PLEKHS1: variants seen among roughly 807,000 people sequenced by gnomAD.
PLEKHS1 encodes the protein pleckstrin homology domain-containing family S member 1.
PLEKHS1 carries 55 observed loss-of-function variants against 51.0 expected under a neutral mutation model. The observed-to-expected ratio is 1.08, with a 90% confidence interval of 0.87 to 1.35. The LOEUF is 1.35. Among genes scored for constraint, PLEKHS1 ranks in the 40% most tolerant of loss-of-function variants. The pLI is 0.00. For synonymous variants in PLEKHS1, 153 were observed against 144.8 expected (o/e 1.06, Z -0.41); for missense variants, 398 against 423.0 (o/e 0.94, Z 0.52).
At chr10:113,767,799 T>C (rs1262777479) in intron 5 of PLEKHS1, among the ~76,000 whole-genome samples, 1 of 152,140 alleles carries the variant, frequency 6.6e-6, no homozygotes, top group African/African-American at 2.4e-5. Flanking sequence ...AAAGATTTGT[T>C]CCAGGGGCCT....
rs999632928 is a variant in PLEKHS1, at chr10:113,752,399, G to A, written c.-20+638G>A. 1.2e-4 allele frequency among the ~76,000 whole-genome samples: 18 copies of A among 152,284 alleles called. 1 individual carries two copies. The highest frequency in any genetic ancestry group is 9.8e-4 in the Admixed American group (15 of 15,300). On this transcript the variant is annotated intron_variant, in intron 1 of 11. Transcript: ENST00000361048. ...CATATTGCTTAGAAGTGCCTGGAATGTATTAAGTACTCAAAAAATGCTACC... is the reference window on the plus strand; with the variant it reads ...CATATTGCTTAGAAGTGCCTGGAATATATTAAGTACTCAAAAAATGCTACC...
intron 2 of PLEKHS1, among the ~76,000 whole-genome samples, chr10:113,762,365 C>T (rs1225971778): frequency 6.2e-4 from 38 of 61,758 alleles, no homozygotes; most frequent in African/African-American, 1.9e-3. Context: ...AGATTTGTTC[C>T]TTTTTTTTTT....
intron 2 of PLEKHS1, among the ~76,000 whole-genome samples, chr10:113,757,451 G>C (rs953350315): frequency 6.6e-6 from 1 of 152,140 alleles, no homozygotes; most frequent in Non-Finnish European, 1.5e-5. Context: ...TACTGTAGTC[G>C]AGTGTGTAAT....
chr10:113,775,346 C>T (rs1026792503), intron 10 of PLEKHS1, among the ~76,000 whole-genome samples: 9 of 152,104 alleles, frequency 5.9e-5, no homozygotes, highest in African/African-American at 2.2e-4. Context: ...CTCAGTTTTC[C>T]CATGAGTGTA....
At chr10:113,771,071 T>G (rs548271798) in intron 7 of PLEKHS1, among the ~76,000 whole-genome samples, 2 of 152,306 alleles carry the variant, frequency 1.3e-5, no homozygotes, top group South Asian at 4.1e-4. Context: ...GCATTGTTCT[T>G]GGAATTTTTC....
chr10:113,759,133 G>A (rs1380535598), intron 2 of PLEKHS1, among the ~76,000 whole-genome samples: 2 of 152,216 alleles, frequency 1.3e-5, no homozygotes, highest in East Asian at 3.8e-4. Context: ...GCCGGGTGCG[G>A]TGGCTCACGC....
At chr10:113,780,165 G>C (rs970871257) in intron 11 of PLEKHS1, among the ~76,000 whole-genome samples, 2 of 152,174 alleles carry the variant, frequency 1.3e-5, no homozygotes, top group African/African-American at 4.8e-5. Context: ...AGAGAACTGA[G>C]ATTTTCAAGG....
At chr10:113,768,764 A>G in intron 5 of PLEKHS1, 51 bp from the exon 6 acceptor site, 2 of 1,408,732 alleles carry the variant, frequency 1.4e-6, no homozygotes, top group Non-Finnish European at 2.0e-6. Flanking sequence ...CTCTGGTTCA[A>G]AAGGCACTAT....
chr10:113,762,365 CTTTT>C (rs34457408), intron 2 of PLEKHS1, among the ~76,000 whole-genome samples: 3 of 61,784 alleles, frequency 4.9e-5, no homozygotes, highest in South Asian at 8.1e-4. Context: ...AGATTTGTTC[CTTTT>C]TTTTTTTTTT....
At chr10:113,781,869 G>A (rs181634166) in exon 12 of PLEKHS1, 1 of 152,834 alleles carries the variant, frequency 6.5e-6, no homozygotes, top group Admixed American at 6.5e-5. Context: ...CCAGAGTGCT[G>A]AGACAGAGTG....
chr10:113,771,351 T>C (rs1844396055), intron 7 of PLEKHS1: 1 of 151,956 alleles, frequency 6.6e-6, no homozygotes, highest in South Asian at 2.1e-4. Flanking sequence ...AAGATGAGGG[T>C]AGCAACTCCA....
At chr10:113,773,252 G>C (rs1411622158) in intron 8 of PLEKHS1, among the ~76,000 whole-genome samples, 10 of 152,138 alleles carry the variant, frequency 6.6e-5, no homozygotes, top group Admixed American at 6.5e-4. Flanking sequence ...TGAGCACAGA[G>C]TTCTTCTTTC....
intron 7 of PLEKHS1, among the ~76,000 whole-genome samples, chr10:113,771,097 C>A (rs1320660233): frequency 6.6e-6 from 1 of 152,152 alleles, no homozygotes. Flanking sequence ...TGCAAAGAAG[C>A]TACTTTAGTA....
Position 113,769,988 on chromosome 10 carries a change from C to G in PLEKHS1, c.552+88C>G, listed in dbSNP as rs1039620702. On this transcript the variant is annotated intron_variant, in intron 7 of 11. Coordinates refer to ENST00000361048, the Ensembl canonical transcript of PLEKHS1. ...TTACCAATTAGCAATTGAATTTAAC[C>G]ATGCCCACCTTCCTCAAAGCCCGAT... is the stretch of plus-strand genomic sequence containing the variant. 4 of 930,396 alleles carry G rather than the reference C, an allele frequency of 4.3e-6. No individual in the cohort carries two copies. In the Admixed American group the frequency reaches 6.9e-5, roughly 16 times the overall value. The allele number at this position is 930,396 out of a possible 1,614,324, so 57.6% of individuals were successfully genotyped here.
At chr10:113,762,924 A>G (rs1012010574) in intron 2 of PLEKHS1, among the ~76,000 whole-genome samples, 2 of 152,226 alleles carry the variant, frequency 1.3e-5, no homozygotes, top group East Asian at 3.9e-4. Context: ...TGAGGCCAGC[A>G]TTACTCTTCT....
chr10:113,754,394 G>T (rs567684960), intron 1 of PLEKHS1, among the ~76,000 whole-genome samples: 1 of 152,134 alleles, frequency 6.6e-6, no homozygotes, highest in South Asian at 2.1e-4. Flanking sequence ...CCCTTCCCCT[G>T]AGGGAGTCCC....
At chr10:113,767,360 A>G (rs1844210024) in exon 5 of PLEKHS1, 2 of 1,607,022 alleles carry the variant, frequency 1.2e-6, no homozygotes, top group Non-Finnish European at 1.7e-6. Context: ...CCAGTGTAGA[A>G]GTTGGCATAA....
intron 2 of PLEKHS1, among the ~76,000 whole-genome samples, chr10:113,756,365 G>A (rs1011640593): frequency 1.3e-5 from 2 of 152,094 alleles, no homozygotes; most frequent in African/African-American, 4.8e-5. Context: ...AGAGGCTGAG[G>A]CAGGAGAACC....
intron 11 of PLEKHS1, chr10:113,778,049 T>C (rs543542734): frequency 9.6e-6 from 2 of 208,502 alleles, no homozygotes; most frequent in South Asian, 8.9e-5. Context: ...AAGTATGTTG[T>C]TTTTTCAAGG....
Sources: allele counts gnomAD v4.1 joint callset (sites outside exome capture counted in the v4.1 genomes callset), GRCh38; gene constraint gnomAD v4.1.1; transcripts MANE v1.5; gene names NCBI Gene and HGNC (gene_info 2026-07-23, HGNC 2026-07-21).